Variants in ABCC1 observed in about 807,000 individuals in gnomAD.
ABCC1 encodes multidrug resistance-associated protein 1.
A neutral mutation model predicts 172.9 loss-of-function variants in ABCC1; 83 were observed. The observed-to-expected ratio is 0.48, with a 90% CI of 0.40 to 0.58. The LOEUF (loss-of-function observed/expected upper bound fraction) is 0.58, where lower values mean the gene tolerates loss of function less well. Ranked by LOEUF, ABCC1 falls within the 20% of genes least tolerant of loss-of-function variation. The probability of loss-of-function intolerance (pLI) is 0.00; values close to 1 mark genes in which losing one functional copy is unlikely to be tolerated. For missense variants in ABCC1, 1,817 were observed against 2,002.7 expected (o/e 0.91, Z 1.77); for synonymous variants, 937 against 825.2 (o/e 1.14, Z -2.32).
chr16:16,096,065 G>A (rs1190913853), intron 19 of ABCC1, among the ~76,000 whole-genome samples: 2 of 152,076 alleles, frequency 1.3e-5, no homozygotes, highest in Non-Finnish European at 2.9e-5. Context: ...GCAGGAGTTC[G>A]AGACCAGCCT....
At chr16:16,000,564 G>A (rs2047272431) in intron 1 of ABCC1, among the ~76,000 whole-genome samples, 1 of 152,022 alleles carries the variant, frequency 6.6e-6, no homozygotes, top group Non-Finnish European at 1.5e-5. Flanking sequence ...GGAAGTGAGT[G>A]GTCATAGCTA....
rs998496945 is a variant in ABCC1 at position 16,106,601 on chromosome 16, T to C, written c.2736-137T>C. 7.3e-6 allele frequency: 7 copies of C among 952,474 alleles called. No homozygotes were observed. In the African/African-American group the frequency reaches 8.2e-5, roughly 11 times the overall value. The allele number at this position is 952,474 out of a possible 1,614,324, so 59.0% of individuals were successfully genotyped here. A position where few individuals can be genotyped will look rare whatever the true frequency, so the allele number is the denominator to read the frequency against. On this transcript the variant is annotated intron_variant, in intron 20 of 30. Coordinates refer to ENST00000399410, the MANE Select transcript of ABCC1 (RefSeq NM_004996.4). Reference sequence around the variant, plus strand: ...GGTGTGGTGCATATATTCATATATATGTTTACATGTGTGCATGTGGAAACA... The same window carrying C: ...GGTGTGGTGCATATATTCATATATACGTTTACATGTGTGCATGTGGAAACA...
intron 24 of ABCC1, among the ~76,000 whole-genome samples, chr16:16,123,940 T>G (rs1017868609): frequency 2.0e-5 from 3 of 152,072 alleles, no homozygotes; most frequent in African/African-American, 2.4e-5. Context: ...TCACTGGAAC[T>G]TGGAAGGTTG....
At position 16,114,976 on chromosome 16, in the gene ABCC1, C is replaced by A; in HGVS notation, c.3290C>A (p.Ser1097Tyr). 1 of 1,614,204 alleles carries A rather than the reference C, an allele frequency of 6.2e-7. No homozygotes were observed. The highest frequency in any genetic ancestry group is 8.5e-7 in the Non-Finnish European group (1 of 1,180,028). The stretch of plus-strand genomic sequence containing the variant: ...GAGGTCATCAAGATGTTCATGGGCT[C>A]CCTGTTCAACGTCATTGGTGCCTGC... ...IPEVIKMFMG[S>Y]LFNVIGACIV... The change falls in exon 23 of 31, where the codon TCC becomes TAC. Residue 1097 changes from serine to tyrosine, a missense_variant. Coordinates refer to ENST00000399410, the MANE Select transcript of ABCC1 (RefSeq NM_004996.4).
intron 5 of ABCC1, among the ~76,000 whole-genome samples, chr16:16,028,342 G>A (rs1416325441): frequency 6.6e-6 from 1 of 152,078 alleles, no homozygotes; most frequent in African/African-American, 2.4e-5. Flanking sequence ...CAGGGGTCTC[G>A]CTGTCTCGTT....
intron 22 of ABCC1, among the ~76,000 whole-genome samples, chr16:16,111,813 C>G (rs1434283796): frequency 6.6e-6 from 1 of 152,034 alleles, no homozygotes; most frequent in Non-Finnish European, 1.5e-5. Context: ...TCCAGTGTGC[C>G]CATTTTACAG....
intron 1 of ABCC1, among the ~76,000 whole-genome samples, chr16:15,956,195 A>G (rs1321960587): frequency 6.6e-6 from 1 of 151,972 alleles, no homozygotes; most frequent in African/African-American, 2.4e-5. Flanking sequence ...CCAACATGGT[A>G]AAACCCTGTC....
At chr16:16,029,208 C>T (rs1440278850) in intron 5 of ABCC1, among the ~76,000 whole-genome samples, 1 of 152,058 alleles carries the variant, frequency 6.6e-6, no homozygotes, top group Non-Finnish European at 1.5e-5. Flanking sequence ...AATGAACTAC[C>T]ATGAGCTCTT....
intron 29 of ABCC1, among the ~76,000 whole-genome samples, chr16:16,137,398 C>T (rs942353293): frequency 4.6e-5 from 7 of 152,068 alleles, no homozygotes; most frequent in Non-Finnish European, 7.4e-5. Flanking sequence ...GGCACAAGAG[C>T]GTGCAAGCCC....
intron 15 of ABCC1, among the ~76,000 whole-genome samples, chr16:16,078,066 A>G (rs152031): frequency 0.13 from 19,294 of 152,216 alleles, 1,381 homozygotes; most frequent in East Asian, 0.22. Context: ...GCTGAGGCAC[A>G]AGAATCATTT....
chr16:16,130,985 G>T (rs1249238361), intron 26 of ABCC1, among the ~76,000 whole-genome samples: 1 of 152,082 alleles, frequency 6.6e-6, no homozygotes, highest in Non-Finnish European at 1.5e-5. Flanking sequence ...GCTGGGTGTG[G>T]TGGCGGGTGT....
Position 16,090,598 on chromosome 16 carries a change from G to GC in ABCC1, c.2644+14dup. The GC allele has an allele frequency of 1.9e-6, 3 of 1,567,438 alleles. No individual in the cohort carries two copies. The highest frequency in any genetic ancestry group is 2.6e-6 in the Non-Finnish European group (3 of 1,150,702). On this transcript the variant is annotated intron_variant, in intron 19 of 30. Transcript: ENST00000399410. ...GATGCAGAGGAGAACGGTAGGGGCA[G>GC]CCCCAGGGTTCCACCCACTCAGGGT... is the stretch of plus-strand genomic sequence containing the variant.
At chr16:16,095,984 T>A (rs773928416) in intron 19 of ABCC1, among the ~76,000 whole-genome samples, 1 of 151,914 alleles carries the variant, frequency 6.6e-6, no homozygotes, top group Non-Finnish European at 1.5e-5. Flanking sequence ...GTACAAAGAA[T>A]CAGGAAAAAA....
intron 11 of ABCC1, among the ~76,000 whole-genome samples, chr16:16,055,547 C>T (rs1030094719): frequency 1.7e-5 from 2 of 118,984 alleles, no homozygotes; most frequent in Admixed American, 1.6e-4. Context: ...GAGACTCCGT[C>T]ACAAAAAAAA....
chr16:15,977,604 A>G (rs908224836), intron 1 of ABCC1, among the ~76,000 whole-genome samples: 2 of 152,008 alleles, frequency 1.3e-5, no homozygotes, highest in Non-Finnish European at 2.9e-5. Context: ...TCCTGTCTCC[A>G]TGTTGGCAAA....
chr16:16,120,612 A>G (rs569170749), intron 23 of ABCC1, among the ~76,000 whole-genome samples: 1 of 152,178 alleles, frequency 6.6e-6, no homozygotes, highest in South Asian at 2.1e-4. Flanking sequence ...CTCATGGAGG[A>G]TGGGAAGGGC....
intron 7 of ABCC1, among the ~76,000 whole-genome samples, chr16:16,038,509 A>G (rs1190313101): frequency 6.6e-6 from 1 of 152,132 alleles, no homozygotes; most frequent in East Asian, 1.9e-4. Flanking sequence ...CATTACTCTG[A>G]CTTTTTGTTG....
intron 10 of ABCC1, among the ~76,000 whole-genome samples, chr16:16,050,114 G>T (rs374751982): frequency 3.3e-5 from 5 of 152,220 alleles, no homozygotes; most frequent in East Asian, 1.9e-4. Context: ...TCTTCTGTGG[G>T]TACAACCCCA....
At chr16:15,985,343 A>G (rs1007216585) in intron 1 of ABCC1, among the ~76,000 whole-genome samples, 2 of 152,168 alleles carry the variant, frequency 1.3e-5, no homozygotes, top group Non-Finnish European at 2.9e-5. Flanking sequence ...GGGTATTGAG[A>G]TGTGAACAAG....
Sources: allele counts gnomAD v4.1 joint callset (sites outside exome capture counted in the v4.1 genomes callset), GRCh38; gene constraint gnomAD v4.1.1; transcripts MANE v1.5; gene names NCBI Gene and HGNC (gene_info 2026-07-23, HGNC 2026-07-21).